Variants in CCDC150 observed in about 807,000 individuals in gnomAD.
CCDC150 encodes coiled-coil domain-containing protein 150.
Under a neutral mutation model 156.5 loss-of-function variants are expected in CCDC150, and 151 were observed. The observed-to-expected ratio is 0.97, with a 90% confidence interval of 0.85 to 1.10. The LOEUF (loss-of-function observed/expected upper bound fraction) is 1.10, where lower values mean the gene tolerates loss of function less well. CCDC150 is among the 50% of genes least tolerant of loss of function. The pLI is 0.00. For missense variants in CCDC150, 1,312 were observed against 1,268.1 expected (o/e 1.03, Z -0.53); for synonymous variants, 452 against 429.4 (o/e 1.05, Z -0.65).
chr2:196,688,296 TCTTGTAG>T (rs1695233729), intron 13 of CCDC150, among the ~76,000 whole-genome samples: 1 of 152,278 alleles, frequency 6.6e-6, no homozygotes, highest in Non-Finnish European at 1.5e-5. Context: ...GTTTTGTAGT[TCTTGTAG>T]AGACCTTTCA....
intron 15 of CCDC150, among the ~76,000 whole-genome samples, chr2:196,711,839 T>C (rs1414882588): frequency 6.6e-6 from 1 of 152,090 alleles, no homozygotes; most frequent in Non-Finnish European, 1.5e-5. Context: ...AATTTTTGAA[T>C]TACATTAGCC....
At chr2:196,676,317 T>A in intron 11 of CCDC150, 50 bp downstream of exon 11, 1 of 1,597,418 alleles carries the variant, frequency 6.3e-7, no homozygotes, top group East Asian at 2.2e-5. Context: ...CTTGCATGTG[T>A]GTTTCTTATC....
chr2:196,729,921 T>C, intron 24 of CCDC150, 36 bp from the exon 25 acceptor site: 2 of 1,605,382 alleles, frequency 1.2e-6, no homozygotes, highest in Non-Finnish European at 1.7e-6. Flanking sequence ...ACTTGGAGGG[T>C]GTTCACCAAA....
At chr2:196,656,594 T>G (rs769020235) in intron 2 of CCDC150, 39 bp from the exon 3 acceptor site, 1 of 1,378,448 alleles carries the variant, frequency 7.3e-7, no homozygotes, top group South Asian at 1.3e-5. Context: ...TAGTAGAAAT[T>G]GCATTGCATA....
At chr2:196,722,292 C>T (rs1191167432) in intron 21 of CCDC150, among the ~76,000 whole-genome samples, 1 of 152,078 alleles carries the variant, frequency 6.6e-6, no homozygotes. Flanking sequence ...ATTTATTTAT[C>T]TGAGACTGGG....
intron 2 of CCDC150, among the ~76,000 whole-genome samples, chr2:196,650,873 A>G (rs1692835199): frequency 6.6e-6 from 1 of 152,150 alleles, no homozygotes; most frequent in African/African-American, 2.4e-5. Context: ...TTCTGCATTA[A>G]ATGTTTGGTT....
chr2:196,729,773 T>A lies in CCDC150; in HGVS notation c.2752-20T>A. The stretch of plus-strand genomic sequence containing the variant: ...TTTTCCACTGATCATCTTTTTATGT[T>A]ATTTTCCAATTACTTTTAGCAAATA... On this transcript the variant is annotated intron_variant, in intron 23 of 27. Transcript: ENST00000389175. 1 of 1,488,574 alleles carries A rather than the reference T, an allele frequency of 6.7e-7. No homozygotes were observed. The highest frequency in any genetic ancestry group is 9.2e-7 in the Non-Finnish European group (1 of 1,086,270). 92.2% of individuals were successfully genotyped at this position (1,488,574 alleles called of 1,614,324 possible). A position where few individuals can be genotyped will look rare whatever the true frequency, so the allele number is the denominator to read the frequency against.
intron 6 of CCDC150, 92 bp from the exon 7 acceptor site, chr2:196,666,627 A>C: frequency 9.6e-7 from 1 of 1,042,402 alleles, no homozygotes; most frequent in Non-Finnish European, 1.4e-6. Context: ...CAGTGACATT[A>C]AGGTTGGAAT....
At position 196,672,394 on chromosome 2, in the gene CCDC150, G is replaced by T; in HGVS notation, c.986G>T (p.Arg329Met). 3.2e-6 allele frequency: 5 copies of T among 1,544,718 alleles called. No individual in the cohort carries two copies. The highest frequency in any genetic ancestry group is 1.3e-5 in the South Asian group (1 of 78,384). ...NKEHEENAYLRSEIMSLHEAS... is the reference protein window; with the variant it reads ...NKEHEENAYLMSEIMSLHEAS... Reference sequence around the variant, plus strand: ...GAACATGAAGAAAATGCATATTTGAGGTCCGAAATAATGTCTCTTCATGAA... The same window carrying T: ...GAACATGAAGAAAATGCATATTTGATGTCCGAAATAATGTCTCTTCATGAA... Residue 329 changes from arginine to methionine, a missense_variant, in exon 9 of 28, where the codon AGG becomes ATG. Transcript: ENST00000389175.
chr2:196,657,364 A>G (rs1334419709), intron 4 of CCDC150: 21 of 446,158 alleles, frequency 4.7e-5, no homozygotes, highest in South Asian at 4.5e-4. Flanking sequence ...CTTACCCCAT[A>G]CAAGTGATGG....
intron 14 of CCDC150, among the ~76,000 whole-genome samples, chr2:196,699,501 A>G (rs1416688503): frequency 6.7e-6 from 1 of 150,240 alleles, no homozygotes; most frequent in East Asian, 2.0e-4. Flanking sequence ...CTAAGGAGAA[A>G]ACAATGCTCT....
rs1196731375 is a variant in CCDC150 at position 196,732,446 on chromosome 2, G to A, written c.3190G>A (p.Asp1064Asn). The change falls in exon 28 of 28, where the codon GAC (aspartate) becomes AAC (asparagine). Residue 1064 changes from aspartate to asparagine, a missense_variant and splice_region_variant. Physicochemically the swap from Asp to Asn is conservative, Grantham distance 23 (BLOSUM62 1). Coordinates refer to ENST00000389175, the MANE Select transcript of CCDC150 (RefSeq NM_001080539.2). The part of the protein sequence containing the change: ...PSGEDRWQEK[D>N]QDVKHDVMSN... ...GTTAGGTGTGTTTTCTTTCCAACAGGACCAAGATGTAAAACATGATGTCAT... is the reference window on the plus strand; with the variant it reads ...GTTAGGTGTGTTTTCTTTCCAACAGAACCAAGATGTAAAACATGATGTCAT... 6.2e-7 allele frequency: 1 copy of A among 1,609,586 alleles called. No individual in the cohort carries two copies. Among genetic ancestry groups the A allele is most frequent in the Admixed American group, 1.7e-5 (1 of 60,014 alleles).
chr2:196,685,545 TTC>T lies in CCDC150; in HGVS notation c.1509+8188_1509+8189del, dbSNP rs367944202. Among the ~76,000 whole-genome samples, 832 of 152,282 alleles carry T rather than the reference TTC, an allele frequency of 5.5e-3. 10 individuals are homozygous for T. The highest frequency in any genetic ancestry group is 0.019 in the African/African-American group (796 of 41,566). On this transcript the variant is annotated intron_variant, in intron 13 of 27. Coordinates refer to ENST00000389175, the MANE Select transcript of CCDC150 (RefSeq NM_001080539.2). Reference sequence around the variant, plus strand: ...TTTATTTATCTGGGAATGTCTTAATTTCTCTGTTGTTTTTGAGGATAGGTTTG... The same window carrying T: ...TTTATTTATCTGGGAATGTCTTAATTTCTGTTGTTTTTGAGGATAGGTTTG...
At chr2:196,710,024 A>G (rs1049281911) in intron 15 of CCDC150, among the ~76,000 whole-genome samples, 17 of 152,360 alleles carry the variant, frequency 1.1e-4, no homozygotes, top group African/African-American at 4.1e-4. Context: ...CTGTGCTGCG[A>G]GAACCACTGC....
intron 1 of CCDC150, 70 bp downstream of exon 1, chr2:196,639,848 CAGTCACCA>C (rs1692102488): frequency 1.5e-6 from 2 of 1,371,716 alleles, no homozygotes; most frequent in African/African-American, 2.9e-5. Context: ...CAGATAAGGA[CAGTCACCA>C]CTCCCTGGCG....
At chr2:196,693,456 A>G (rs1372642449) in intron 13 of CCDC150, among the ~76,000 whole-genome samples, 5 of 152,204 alleles carry the variant, frequency 3.3e-5, no homozygotes, top group Non-Finnish European at 4.4e-5. Context: ...TGAATTTCCA[A>G]TTGTACATTG....
rs1693871647 is a variant in CCDC150 at position 196,666,831 on chromosome 2, A to T, written c.875A>T (p.Gln292Leu). The change falls in exon 7 of 28, where the codon CAG becomes CTG. Residue 292 changes from glutamine to leucine, a missense_variant. Gln to Leu is a moderately radical substitution (Grantham distance 113, BLOSUM62 -2). Transcript: ENST00000389175. The part of the protein sequence containing the change: ...KKEELEIATS[Q>L]LKSDLTSRDD... Reference sequence around the variant, plus strand: ...GAAGAGTTGGAGATTGCTACTTCACAGCTCAAATCTGATCTAAGTATGAAA... The same window carrying T: ...GAAGAGTTGGAGATTGCTACTTCACTGCTCAAATCTGATCTAAGTATGAAA... The T allele has an allele frequency of 6.2e-7, 1 of 1,613,724 alleles. No individual in the cohort carries two copies.
At chr2:196,721,323 C>G (rs888965251) in intron 20 of CCDC150, among the ~76,000 whole-genome samples, 199 bp from the exon 21 acceptor site, 1 of 50,376 alleles carries the variant, frequency 2.0e-5, no homozygotes, top group African/African-American at 8.3e-5. Flanking sequence ...AGCAATGTCT[C>G]TAATGAGTTC....
At chr2:196,667,947 C>T (rs1317623666) in intron 7 of CCDC150, 1 of 152,112 alleles carries the variant, frequency 6.6e-6, no homozygotes, top group Non-Finnish European at 1.5e-5. Flanking sequence ...GCCACATTGT[C>T]TCATTTGAGC....
Sources: gnomAD v4.1 joint callset for allele counts (sites outside exome capture counted in the v4.1 genomes callset) on GRCh38, gnomAD v4.1.1 for gene constraint, MANE v1.5 for transcripts, NCBI Gene and HGNC (gene_info 2026-07-23, HGNC 2026-07-21) for gene names.